SLC25A21: variants seen among roughly 807,000 people sequenced by gnomAD.
SLC25A21 encodes solute carrier family 25 member 21.
SLC25A21 carries 47 observed loss-of-function variants against 43.8 expected under a neutral mutation model. The ratio of observed to expected loss-of-function variants is 1.07; its 90% CI spans 0.85 to 1.37. The LOEUF is 1.37. SLC25A21 is among the 40% of genes most tolerant of loss of function. The probability of loss-of-function intolerance (pLI) is 0.00; values close to 1 mark genes in which losing one functional copy is unlikely to be tolerated. For missense variants in SLC25A21, 352 were observed against 350.2 expected, an observed-to-expected ratio of 1.00 and a Z score of -0.04; for synonymous variants, 131 against 121.3, an observed-to-expected ratio of 1.08 and a Z score of -0.52.
chr14:36,700,610 G>A (rs1363117805), intron 7 of SLC25A21, among the ~76,000 whole-genome samples: 1 of 152,204 alleles, frequency 6.6e-6, no homozygotes, highest in African/African-American at 2.4e-5. Flanking sequence ...TCAGGCCTTT[G>A]AAAGGAGTTA....
At chr14:36,963,304 TG>T (rs1959539241) in intron 1 of SLC25A21, among the ~76,000 whole-genome samples, 1 of 152,194 alleles carries the variant, frequency 6.6e-6, no homozygotes, top group Non-Finnish European at 1.5e-5. Flanking sequence ...GCAAAAATGC[TG>T]CTTAGATCAT....
At chr14:37,133,563 C>T (rs901922549) in intron 1 of SLC25A21, among the ~76,000 whole-genome samples, 9 of 151,452 alleles carry the variant, frequency 5.9e-5, no homozygotes, top group African/African-American at 2.2e-4. Flanking sequence ...GCCTCTGTAT[C>T]ACCAATTTAT....
chr14:36,678,546 G>A lies in SLC25A21; in HGVS notation c.*2112C>T. 5.9e-6 allele frequency: 9 copies of A among 1,536,552 alleles called. No homozygotes were observed. Among genetic ancestry groups the A allele is most frequent in the Non-Finnish European group, 7.0e-6 (8 of 1,146,574 alleles). On this transcript the variant is annotated 3_prime_UTR_variant, in exon 10 of 10. Transcript: ENST00000331299. ...AGATCCAATCCAATATTTTGGTGGA[G>A]ACTTCTTTAAAACCATACCATACAG... is the stretch of plus-strand genomic sequence containing the variant.
chr14:37,010,485 G>A (rs1436644109), intron 1 of SLC25A21, among the ~76,000 whole-genome samples: 3 of 152,214 alleles, frequency 2.0e-5, no homozygotes, highest in African/African-American at 2.4e-5. Context: ...GGGTGTAACT[G>A]CCACTAAACA....
intron 1 of SLC25A21, among the ~76,000 whole-genome samples, chr14:37,064,268 A>C (rs1962012409): frequency 1.3e-5 from 2 of 152,038 alleles, no homozygotes; most frequent in South Asian, 4.1e-4. Context: ...TTGGTCTGGG[A>C]CTGAGAGTCA....
At chr14:36,807,868 C>G (rs1010407854) in intron 3 of SLC25A21, among the ~76,000 whole-genome samples, 1 of 152,142 alleles carries the variant, frequency 6.6e-6, no homozygotes, top group Non-Finnish European at 1.5e-5. Flanking sequence ...GCCATTTGTG[C>G]CGTCTGAAAG....
At chr14:36,827,001 A>G (rs1888858541) in intron 2 of SLC25A21, among the ~76,000 whole-genome samples, 1 of 152,204 alleles carries the variant, frequency 6.6e-6, no homozygotes, top group African/African-American at 2.4e-5. Context: ...GAGGACGAGG[A>G]CGAGGACAGT....
At chr14:36,821,293 A>G (rs997310199) in intron 2 of SLC25A21, among the ~76,000 whole-genome samples, 2 of 152,056 alleles carry the variant, frequency 1.3e-5, no homozygotes, top group Non-Finnish European at 2.9e-5. Context: ...TGCCTTTCTC[A>G]TCCCTCCAGA....
intron 1 of SLC25A21, among the ~76,000 whole-genome samples, chr14:37,129,210 A>T (rs1044562949): frequency 6.6e-6 from 1 of 152,178 alleles, no homozygotes; most frequent in Non-Finnish European, 1.5e-5. Flanking sequence ...ACTGACTCAT[A>T]ACACTCACAT....
At chr14:37,052,024 G>A (rs1009566448) in intron 1 of SLC25A21, among the ~76,000 whole-genome samples, 2 of 152,176 alleles carry the variant, frequency 1.3e-5, no homozygotes, top group Non-Finnish European at 2.9e-5. Context: ...TGAAAAGGTG[G>A]TTTGCTTTAC....
intron 2 of SLC25A21, among the ~76,000 whole-genome samples, chr14:36,843,447 T>C (rs935037814): frequency 3.3e-5 from 5 of 152,214 alleles, no homozygotes; most frequent in Non-Finnish European, 5.9e-5. Context: ...TATTTTGTTA[T>C]TAAAACAGTC....
At chr14:37,120,976 T>C (rs866983506) in intron 1 of SLC25A21, among the ~76,000 whole-genome samples, 25 of 152,254 alleles carry the variant, frequency 1.6e-4, no homozygotes, top group Admixed American at 5.2e-4. Flanking sequence ...CACTTGCTAA[T>C]TGAGGACAAC....
At chr14:36,849,282 C>A (rs961065732) in intron 2 of SLC25A21, among the ~76,000 whole-genome samples, 1 of 152,068 alleles carries the variant, frequency 6.6e-6, no homozygotes, top group Non-Finnish European at 1.5e-5. Flanking sequence ...TCGCTTGATA[C>A]GAAGAGGACT....
chr14:36,756,355 A>G (rs1461339455), intron 3 of SLC25A21, among the ~76,000 whole-genome samples: 1 of 152,218 alleles, frequency 6.6e-6, no homozygotes, highest in East Asian at 1.9e-4. Context: ...GCGGCTTCAC[A>G]TCTGTCAGCT....
intron 1 of SLC25A21, among the ~76,000 whole-genome samples, chr14:36,950,884 T>C (rs1892793452): frequency 1.3e-5 from 2 of 152,316 alleles, no homozygotes; most frequent in Non-Finnish European, 2.9e-5. Flanking sequence ...GCTGGACCTC[T>C]TACCTCTCTC....
intron 1 of SLC25A21, among the ~76,000 whole-genome samples, chr14:37,159,679 T>C (rs981767045): frequency 6.6e-6 from 1 of 152,166 alleles, no homozygotes; most frequent in East Asian, 1.9e-4. Flanking sequence ...AAGGAATTTA[T>C]GACTAATACC....
At chr14:37,029,028 G>T (rs1347620962) in intron 1 of SLC25A21, among the ~76,000 whole-genome samples, 1 of 152,220 alleles carries the variant, frequency 6.6e-6, no homozygotes, top group South Asian at 2.1e-4. Context: ...AGAAACAAGA[G>T]AGTTAAATGT....
intron 3 of SLC25A21, among the ~76,000 whole-genome samples, chr14:36,781,340 T>A (rs1347954482): frequency 6.6e-5 from 10 of 152,192 alleles, no homozygotes; most frequent in Admixed American, 6.5e-4. Context: ...AAAGTAATTA[T>A]TGATAGGAAA....
At chr14:36,799,960 C>T (rs1887811461) in intron 3 of SLC25A21, among the ~76,000 whole-genome samples, 1 of 152,066 alleles carries the variant, frequency 6.6e-6, no homozygotes, top group South Asian at 2.1e-4. Context: ...TATTGAGTAC[C>T]TACCAGCGAA....
Sources: allele counts gnomAD v4.1 joint callset (sites outside exome capture counted in the v4.1 genomes callset), GRCh38; gene constraint gnomAD v4.1.1; transcripts MANE v1.5; gene names NCBI Gene and HGNC (gene_info 2026-07-23, HGNC 2026-07-21).